The following RNF220 variants were observed in gnomAD, a reference collection of about 807,000 sequenced individuals.
The protein encoded by RNF220 is ring finger protein 220.
A neutral mutation model predicts 67.1 loss-of-function variants in RNF220; 7 were observed. The observed-to-expected ratio is 0.10, with a 90% CI of 0.06 to 0.20. The LOEUF is 0.20. RNF220 is among the 10% of genes least tolerant of loss of function. RNF220 has a pLI of 1.00. For missense variants in RNF220, 565 were observed against 740.3 expected (o/e 0.76, Z 2.75); for synonymous variants, 270 against 283.2 (o/e 0.95, Z 0.47).
In RNF220 at chr1:44,636,024, TCA is replaced by T; in HGVS notation, c.994-3_994-2del. The stretch of plus-strand genomic sequence containing the variant: ...GCCCAGCATGATCCTGCTCTGCTCT[TCA>T]CAGAGGGAAGGCTCCTGCATGGCTG... On this transcript the variant is annotated splice_polypyrimidine_tract_variant and splice_region_variant and intron_variant, in intron 7 of 14. Coordinates refer to ENST00000361799, the MANE Select transcript of RNF220 (RefSeq NM_018150.4). The T allele has an allele frequency of 1.2e-6, 2 of 1,614,198 alleles. No homozygotes were observed. The highest frequency in any genetic ancestry group is 1.7e-6 in the Non-Finnish European group (2 of 1,180,014).
At chr1:44,429,192 A>G (rs1443089375) in intron 2 of RNF220, among the ~76,000 whole-genome samples, 2 of 152,112 alleles carry the variant, frequency 1.3e-5, no homozygotes, top group African/African-American at 4.8e-5. Flanking sequence ...TGGGGGGAGT[A>G]ATGAATAACA....
At chr1:44,623,892 GC>G (rs1557449310) in intron 4 of RNF220, among the ~76,000 whole-genome samples, 1 of 152,196 alleles carries the variant, frequency 6.6e-6, no homozygotes, top group Admixed American at 6.5e-5. Context: ...TGGAGAAGGG[GC>G]CCGTTGTATT....
chr1:44,628,564 C>T lies in RNF220; in HGVS notation c.906+2166C>T, dbSNP rs1557455078. On this transcript the variant is annotated intron_variant, in intron 5 of 14. Transcript: ENST00000361799. ...AAGGGCAAATCAAACTAGGTTGTGT[C>T]CTACAAGATAAAGCTGAAGCTCCTT... Among the ~76,000 whole-genome samples, 3 of 152,194 alleles carry T rather than the reference C, an allele frequency of 2.0e-5. No individual in the cohort carries two copies. The South Asian group carries it at 6.2e-4, about 32-fold the overall frequency.
At chr1:44,425,717 G>A (rs2147850238) in intron 2 of RNF220, among the ~76,000 whole-genome samples, 1 of 152,274 alleles carries the variant, frequency 6.6e-6, no homozygotes, top group South Asian at 2.1e-4. Flanking sequence ...CTACCCTACA[G>A]GGTTGCTGAG....
At chr1:44,509,878 C>A (rs1255513037) in intron 2 of RNF220, among the ~76,000 whole-genome samples, 5 of 49,660 alleles carry the variant, frequency 1.0e-4, no homozygotes, top group Non-Finnish European at 2.2e-4. Flanking sequence ...CAGAGCGAGA[C>A]CCTGTCCAAA....
intron 2 of RNF220, among the ~76,000 whole-genome samples, chr1:44,499,214 T>C (rs1255793103): frequency 6.6e-6 from 1 of 152,158 alleles, no homozygotes; most frequent in African/African-American, 2.4e-5. Flanking sequence ...TGCTGGAAGC[T>C]CTGATGCACA....
At chr1:44,556,457 G>C (rs756522243) in intron 2 of RNF220, among the ~76,000 whole-genome samples, 1 of 150,666 alleles carries the variant, frequency 6.6e-6, no homozygotes, top group Non-Finnish European at 1.5e-5. Context: ...CTCTCTACCT[G>C]CTGTCCTCTG....
intron 2 of RNF220, among the ~76,000 whole-genome samples, chr1:44,559,584 G>T (rs922198959): frequency 2.0e-5 from 3 of 152,154 alleles, no homozygotes; most frequent in African/African-American, 7.2e-5. Flanking sequence ...GGGGCATCCC[G>T]GGGGAGACTT....
chr1:44,506,009 A>G (rs1268566757), intron 2 of RNF220, among the ~76,000 whole-genome samples: 2 of 152,140 alleles, frequency 1.3e-5, no homozygotes, highest in African/African-American at 4.8e-5. Flanking sequence ...TTTTGTTGAA[A>G]ATAAGGTTAA....
intron 5 of RNF220, chr1:44,631,920 AT>A: frequency 1.0e-6 from 1 of 987,218 alleles, no homozygotes; most frequent in Non-Finnish European, 1.2e-6. Context: ...CCCCCGCCGC[AT>A]TGTGAACTTT....
intron 8 of RNF220, among the ~76,000 whole-genome samples, chr1:44,638,779 T>G (rs184978510): frequency 1.2e-4 from 18 of 152,318 alleles, no homozygotes; most frequent in African/African-American, 3.8e-4. Context: ...ATTGATATTT[T>G]AGGACAAAAT....
chr1:44,445,675 C>T lies in RNF220; in HGVS notation c.625+32953C>T, dbSNP rs142704541. Among the ~76,000 whole-genome samples, 1,150 of 152,274 alleles carry T rather than the reference C, an allele frequency of 7.6e-3. 16 individuals carry two copies. The highest frequency in any genetic ancestry group is 0.026 in the African/African-American group (1,079 of 41,558). ...TCTTCTGAAACTCAACTCAAAGGTC[C>T]GCTCCTCTATAAAACCTTTACCAAC... On this transcript the variant is annotated intron_variant, in intron 2 of 14. Transcript: ENST00000361799.
Position 44,588,407 on chromosome 1 carries a change from T to C in RNF220, c.626-25758T>C, listed in dbSNP as rs1022361317. Among the ~76,000 whole-genome samples the C allele has an allele frequency of 2.6e-5, 4 of 152,182 alleles. No individual in the cohort carries two copies. The East Asian group carries it at 7.7e-4, about 29-fold the overall frequency. On this transcript the variant is annotated intron_variant, in intron 2 of 14. Coordinates refer to ENST00000361799, the MANE Select transcript of RNF220 (RefSeq NM_018150.4). ...CTCTTCAGGCCTTTCCCTTGGAGGCTTCAGAGTCCTTAGCCCAGCACGCTC... is the reference window on the plus strand; with the variant it reads ...CTCTTCAGGCCTTTCCCTTGGAGGCCTCAGAGTCCTTAGCCCAGCACGCTC...
intron 2 of RNF220, among the ~76,000 whole-genome samples, chr1:44,413,565 A>G (rs1043931173): frequency 6.6e-6 from 1 of 152,214 alleles, no homozygotes; most frequent in African/African-American, 2.4e-5. Context: ...TTGCTCTAAT[A>G]TAATCAGAAA....
At chr1:44,536,517 C>G (rs912784311) in intron 2 of RNF220, among the ~76,000 whole-genome samples, 1 of 152,172 alleles carries the variant, frequency 6.6e-6, no homozygotes, top group Non-Finnish European at 1.5e-5. Flanking sequence ...GGCCCTGTGT[C>G]CCCAGGGCCC....
intron 2 of RNF220, among the ~76,000 whole-genome samples, chr1:44,570,049 G>A (rs1174782590): frequency 1.3e-5 from 2 of 152,184 alleles, no homozygotes; most frequent in Non-Finnish European, 2.9e-5. Context: ...GGCCTTTGCA[G>A]CACAAAGGAA....
At chr1:44,446,398 C>T (rs989596554) in intron 2 of RNF220, among the ~76,000 whole-genome samples, 10 of 152,152 alleles carry the variant, frequency 6.6e-5, no homozygotes, top group African/African-American at 2.2e-4. Context: ...TGTGTGTGAA[C>T]GTGACTGGGA....
intron 2 of RNF220, among the ~76,000 whole-genome samples, chr1:44,556,704 C>T (rs889912057): frequency 2.6e-5 from 4 of 152,188 alleles, no homozygotes; most frequent in East Asian, 1.9e-4. Flanking sequence ...GGACTACAGG[C>T]GCCTGCACCA....
intron 2 of RNF220, among the ~76,000 whole-genome samples, chr1:44,612,803 C>T (rs561635521): frequency 6.2e-4 from 55 of 88,734 alleles, no homozygotes; most frequent in African/African-American, 2.4e-3. Context: ...TTGAACTGGG[C>T]ATCCTGTGTG....
Sources: gnomAD v4.1 joint callset for allele counts (sites outside exome capture counted in the v4.1 genomes callset) on GRCh38, gnomAD v4.1.1 for gene constraint, MANE v1.5 for transcripts, NCBI Gene and HGNC (gene_info 2026-07-23, HGNC 2026-07-21) for gene names.